STRA6: variants seen among roughly 807,000 people sequenced by gnomAD.
STRA6 encodes receptor for retinol uptake STRA6.
Under a neutral mutation model 83.6 loss-of-function variants are expected in STRA6, and 48 were observed. The observed-to-expected ratio is 0.57, with a 90% confidence interval of 0.46 to 0.73. STRA6 has a LOEUF of 0.73. STRA6 is among the 30% of genes least tolerant of loss of function. The pLI, the probability that STRA6 is intolerant of heterozygous loss-of-function variation, is 0.00. For synonymous variants in STRA6, 353 were observed against 362.3 expected, an observed-to-expected ratio of 0.97 and a Z score of 0.29; for missense variants, 760 against 838.8, an observed-to-expected ratio of 0.91 and a Z score of 1.16.
intron 1 of STRA6, 79 bp from the exon 2 acceptor site, chr15:74,202,361 G>A: frequency 6.4e-7 from 1 of 1,554,450 alleles, no homozygotes; most frequent in Non-Finnish European, 8.7e-7. Context: ...AAGAAAGAAA[G>A]ACGGAAAACC....
chr15:74,182,028 C>T (rs942393335), intron 16 of STRA6, 133 bp downstream of exon 16: 2 of 825,874 alleles, frequency 2.4e-6, no homozygotes, highest in Non-Finnish European at 4.1e-6. Flanking sequence ...GTAAGGCAAG[C>T]TCTTTCTACT....
intron 4 of STRA6, among the ~76,000 whole-genome samples, chr15:74,196,851 A>G (rs1420780357): frequency 1.3e-5 from 2 of 152,188 alleles, no homozygotes; most frequent in Non-Finnish European, 2.9e-5. Flanking sequence ...GCCCAGCCCC[A>G]TCTCCTCAGG....
intron 1 of STRA6, 164 bp downstream of exon 1, chr15:74,202,549 C>T (rs1294587141): frequency 4.1e-6 from 6 of 1,474,928 alleles, no homozygotes; most frequent in African/African-American, 1.4e-5. Context: ...TAGCTGTCCC[C>T]TTGGGGCCCC....
chr15:74,197,594 A>G (rs1567195192), intron 3 of STRA6, 158 bp downstream of exon 3: 2 of 1,170,670 alleles, frequency 1.7e-6, no homozygotes, highest in African/African-American at 1.5e-5. Flanking sequence ...TTGGACTTGC[A>G]TCCTGGTTTG....
At chr15:74,203,091 A>G (rs1468360148), upstream of STRA6, 1 of 985,470 alleles carries the variant, frequency 1.0e-6, no homozygotes, top group Non-Finnish European at 1.2e-6. Flanking sequence ...CATTACAGCA[A>G]CAACCGAGTG....
At chr15:74,199,210 G>C (rs2073951179) in intron 2 of STRA6, among the ~76,000 whole-genome samples, 1 of 152,250 alleles carries the variant, frequency 6.6e-6, no homozygotes, top group Admixed American at 6.5e-5. Flanking sequence ...TTATCCAGGG[G>C]AGTGCAGAGC....
rs766483119 is a variant in STRA6, at chr15:74,190,820, G to A, written c.927+20C>T. On this transcript the variant is annotated intron_variant, in intron 11 of 18. Transcript: ENST00000395105. ...GGCAGGGCTCCAGAGGCAGATGGCA[G>A]TACAGGGTGAGGGACATACCTGGTA... 6.2e-7 allele frequency: 1 copy of A among 1,614,016 alleles called. No homozygotes were observed. Among genetic ancestry groups the A allele is most frequent in the Non-Finnish European group, 8.5e-7 (1 of 1,179,964 alleles).
chr15:74,195,862 A>G (rs1595853300), intron 5 of STRA6, 146 bp downstream of exon 5: 1 of 1,241,978 alleles, frequency 8.1e-7, no homozygotes, highest in Non-Finnish European at 1.1e-6. Flanking sequence ...TGGATGGTCT[A>G]AAAAGGTCAC....
At chr15:74,204,057 T>A (rs182675508), upstream of STRA6, among the ~76,000 whole-genome samples, 373 of 152,234 alleles carry the variant, frequency 2.5e-3, 1 homozygote, top group African/African-American at 8.6e-3. Flanking sequence ...TAGCCTGAGT[T>A]CCTCCCCCTT....
At chr15:74,210,527 A>T (rs1055576373), upstream of STRA6, among the ~76,000 whole-genome samples, 2 of 152,258 alleles carry the variant, frequency 1.3e-5, no homozygotes, top group African/African-American at 4.8e-5. Context: ...AATCTGGCAG[A>T]CACACAGCAA....
rs201730717 is a variant in STRA6, at chr15:74,180,942, G to C, written c.1685-5C>G. 2,689 of 1,613,640 alleles carry C rather than the reference G, an allele frequency of 1.7e-3. 7 individuals carry two copies. Among genetic ancestry groups the C allele is most frequent in the Non-Finnish European group, 2.1e-3 (2,484 of 1,179,910 alleles). ...AGTTTCGGTACGTGTAGTAGCCTGG[G>C]GTGGGGTGGCGGATGGCAATGCTGG... On this transcript the variant is annotated splice_polypyrimidine_tract_variant and splice_region_variant and intron_variant, in intron 17 of 18. Coordinates refer to ENST00000395105, the MANE Select transcript of STRA6 (RefSeq NM_022369.4).
chr15:74,180,965 TGGG>T (rs1479257423), intron 17 of STRA6, 28 bp from the exon 18 acceptor site: 1 of 1,612,188 alleles, frequency 6.2e-7, no homozygotes, highest in Non-Finnish European at 8.5e-7. Flanking sequence ...ATGGCAATGC[TGGG>T]GGAGCAGGGG....
At chr15:74,205,198 G>A (rs1039654138), upstream of STRA6, among the ~76,000 whole-genome samples, 4 of 152,162 alleles carry the variant, frequency 2.6e-5, no homozygotes, top group African/African-American at 9.7e-5. Context: ...GATACCAGAG[G>A]GGAGAGAGGG....
At chr15:74,197,897 T>C (rs1445458797) in intron 2 of STRA6, 79 bp from the exon 3 acceptor site, 1 of 1,468,782 alleles carries the variant, frequency 6.8e-7, no homozygotes, top group East Asian at 2.3e-5. Flanking sequence ...TTCAAGACTG[T>C]TCACACTGAG....
Position 74,180,778 on chromosome 15 carries a change from G to A in STRA6, c.1840+4C>T, listed in dbSNP as rs778430773. On this transcript the variant is annotated splice_donor_region_variant and intron_variant, in intron 18 of 18. Coordinates refer to ENST00000395105, the MANE Select transcript of STRA6 (RefSeq NM_022369.4). Reference sequence around the variant, plus strand: ...ATTCCCCCATTCCCAGTGGGAGGGCGCACCTTCGTCTTCCTCCCCTGGTCT... The same window carrying A: ...ATTCCCCCATTCCCAGTGGGAGGGCACACCTTCGTCTTCCTCCCCTGGTCT... 51 of 1,601,974 alleles carry A rather than the reference G, an allele frequency of 3.2e-5. No individual in the cohort carries two copies. In the East Asian group the frequency reaches 5.8e-4, roughly 18 times the overall value.
At chr15:74,203,762 T>A (rs114463584), upstream of STRA6, among the ~76,000 whole-genome samples, 1 of 152,140 alleles carries the variant, frequency 6.6e-6, no homozygotes, top group Non-Finnish European at 1.5e-5. Context: ...GAATCACAGG[T>A]TGAGCTGGTC....
At chr15:74,211,028 T>C (rs114444929), upstream of STRA6, among the ~76,000 whole-genome samples, 93 of 152,240 alleles carry the variant, frequency 6.1e-4, no homozygotes, top group African/African-American at 2.0e-3. Flanking sequence ...ACTCCTGCTG[T>C]ACCCCAGACT....
rs1038148634 is a variant in STRA6 at position 74,188,746 on chromosome 15, C to T, written c.1090+369G>A. ...ACGCCAGACCCCTGCCACGAGGATT[C>T]GCTCAGAAATCCTCACCATCTCCCT... On this transcript the variant is annotated intron_variant, in intron 12 of 18. Coordinates refer to ENST00000395105, the MANE Select transcript of STRA6 (RefSeq NM_022369.4). The surrounding 1 kb of genome is among the most constrained non-coding windows in gnomAD (Gnocchi z 4.5). Among the ~76,000 whole-genome samples the T allele has an allele frequency of 6.6e-6, 1 of 152,116 alleles. No homozygotes were observed. The highest frequency in any genetic ancestry group is 1.5e-5 in the Non-Finnish European group (1 of 68,026).
At chr15:74,205,454 C>T (rs1433488847), upstream of STRA6, among the ~76,000 whole-genome samples, 1 of 152,126 alleles carries the variant, frequency 6.6e-6, no homozygotes, top group Non-Finnish European at 1.5e-5. Context: ...CAGGCACTTA[C>T]AAATAGCCAG....
Sources: gnomAD v4.1 joint callset for allele counts (sites outside exome capture counted in the v4.1 genomes callset) on GRCh38, gnomAD v4.1.1 for gene constraint, Gnocchi (gnomAD v3.1) non-coding constraint, MANE v1.5 for transcripts, NCBI Gene and HGNC (gene_info 2026-07-23, HGNC 2026-07-21) for gene names.